The following DNER variants were observed in gnomAD, a reference collection of about 807,000 sequenced individuals.
DNER encodes the protein delta/notch like EGF repeat containing, also known as delta and Notch-like epidermal growth factor-related receptor.
A neutral mutation model predicts 78.2 loss-of-function variants in DNER; 33 were observed. The ratio of observed to expected loss-of-function variants is 0.42; its 90% CI spans 0.32 to 0.56. The LOEUF is 0.56. Among genes scored for constraint, DNER ranks in the 20% least tolerant of loss-of-function variants. The probability of loss-of-function intolerance (pLI) is 0.11; values close to 1 mark genes in which losing one functional copy is unlikely to be tolerated. For missense variants in DNER, 918 were observed against 975.3 expected (o/e 0.94, Z 0.78); for synonymous variants, 417 against 384.8 (o/e 1.08, Z -0.98).
chr2:229,590,815 T>C (rs186019679), intron 2 of DNER, among the ~76,000 whole-genome samples: 2 of 152,352 alleles, frequency 1.3e-5, no homozygotes, highest in East Asian at 3.9e-4. Context: ...AAATCTCATG[T>C]TGAAATGTGA....
chr2:229,456,580 T>C (rs370836203), intron 7 of DNER, among the ~76,000 whole-genome samples: 2 of 152,000 alleles, frequency 1.3e-5, no homozygotes, highest in African/African-American at 4.8e-5. Context: ...CATAGAACAA[T>C]GTCTACAGGG....
intron 5 of DNER, among the ~76,000 whole-genome samples, chr2:229,524,171 A>G (rs1696155972): frequency 6.6e-6 from 1 of 152,256 alleles, no homozygotes; most frequent in African/African-American, 2.4e-5. Flanking sequence ...TGCTCTTTAC[A>G]TTAGAAGAAC....
At chr2:229,538,941 C>T (rs776802184) in intron 5 of DNER, among the ~76,000 whole-genome samples, 3 of 152,196 alleles carry the variant, frequency 2.0e-5, no homozygotes, top group Non-Finnish European at 4.4e-5. Flanking sequence ...CTCTGCACCC[C>T]CTCTCACTGC....
At chr2:229,371,930 C>T (rs1452815623) in intron 11 of DNER, among the ~76,000 whole-genome samples, 1 of 152,154 alleles carries the variant, frequency 6.6e-6, no homozygotes, top group Non-Finnish European at 1.5e-5. Context: ...TTGCCTAGAA[C>T]AATTGTGAGG....
chr2:229,604,211 T>G (rs1697889259), intron 1 of DNER, among the ~76,000 whole-genome samples: 1 of 152,244 alleles, frequency 6.6e-6, no homozygotes, highest in South Asian at 2.1e-4. Context: ...TCCAAACATT[T>G]TAAATGTTCT....
chr2:229,396,083 G>A (rs940006208), intron 10 of DNER, among the ~76,000 whole-genome samples: 7 of 151,870 alleles, frequency 4.6e-5, no homozygotes, highest in East Asian at 1.9e-4. Flanking sequence ...CAGTCTAAAG[G>A]GGGAAAAGAA....
chr2:229,607,542 A>G (rs528058987), intron 1 of DNER, among the ~76,000 whole-genome samples: 2 of 152,242 alleles, frequency 1.3e-5, no homozygotes, highest in Non-Finnish European at 2.9e-5. Flanking sequence ...CTAAACACAA[A>G]TGAGAGATGA....
intron 10 of DNER, among the ~76,000 whole-genome samples, chr2:229,404,527 T>G (rs1416036279): frequency 6.6e-6 from 1 of 152,196 alleles, no homozygotes; most frequent in Admixed American, 6.5e-5. Context: ...GGGATTCCAA[T>G]TCAAGATGAG....
At chr2:229,582,943 A>G (rs1264809438) in intron 4 of DNER, among the ~76,000 whole-genome samples, 2 of 152,160 alleles carry the variant, frequency 1.3e-5, no homozygotes, top group African/African-American at 4.8e-5. Context: ...CTGACCTAAT[A>G]TATCAAAGTT....
Position 229,457,667 on chromosome 2 carries a change from G to T in DNER, c.1262-10127C>A, listed in dbSNP as rs562193659. ...AAACAAAGAACATATGAGAAAAATAGAAAATAAATAGCAATGAGGTAGACT... is the reference window on the plus strand; with the variant it reads ...AAACAAAGAACATATGAGAAAAATATAAAATAAATAGCAATGAGGTAGACT... On this transcript the variant is annotated intron_variant, in intron 7 of 12. Coordinates refer to ENST00000341772, the MANE Select transcript of DNER (RefSeq NM_139072.4). 1.3e-4 allele frequency among the ~76,000 whole-genome samples: 19 copies of T among 147,494 alleles called. 2 individuals carry two copies. In the South Asian group the frequency reaches 3.9e-3, roughly 30 times the overall value.
chr2:229,676,812 T>G (rs1699308278), intron 1 of DNER, among the ~76,000 whole-genome samples: 1 of 152,178 alleles, frequency 6.6e-6, no homozygotes, highest in African/African-American at 2.4e-5. Flanking sequence ...CCTGCTTCCC[T>G]CTCCATTTCA....
intron 1 of DNER, among the ~76,000 whole-genome samples, chr2:229,694,442 A>G (rs1480788873): frequency 7.3e-6 from 1 of 136,812 alleles, no homozygotes; most frequent in Non-Finnish European, 1.6e-5. Context: ...TGCCTGGAAA[A>G]ACCACAGAGA....
intron 1 of DNER, among the ~76,000 whole-genome samples, chr2:229,668,418 TTA>T (rs59207662): frequency 0.027 from 3,570 of 132,468 alleles, 105 homozygotes; most frequent in African/African-American, 0.065. Context: ...AAATATTCTT[TTA>T]TATATATATA....
intron 8 of DNER, among the ~76,000 whole-genome samples, chr2:229,431,254 T>C (rs1216212446): frequency 6.6e-6 from 1 of 152,192 alleles, no homozygotes; most frequent in Non-Finnish European, 1.5e-5. Context: ...TGGGACTATA[T>C]GGAAGACGAC....
intron 6 of DNER, among the ~76,000 whole-genome samples, chr2:229,501,135 A>C (rs1474053404): frequency 6.6e-6 from 1 of 152,018 alleles, no homozygotes; most frequent in Admixed American, 6.6e-5. Flanking sequence ...GGGTAGGAGG[A>C]GGGGAGGACA....
At position 229,588,393 on chromosome 2, in the gene DNER, C is replaced by T; in HGVS notation, c.680+1G>A. 1 of 1,602,082 alleles carries T rather than the reference C, an allele frequency of 6.2e-7. No individual in the cohort carries two copies. The highest frequency in any genetic ancestry group is 8.5e-7 in the Non-Finnish European group (1 of 1,173,122). The stretch of plus-strand genomic sequence containing the variant: ...CAGTTTGTAACTCAGAATTTTCTTA[C>T]TTGACTGAGGTGTTCTGTGGCACTT... On this transcript the variant is annotated splice_donor_variant, in intron 3 of 12. Coordinates refer to ENST00000341772, the MANE Select transcript of DNER (RefSeq NM_139072.4). LOFTEE classifies it high-confidence loss of function.
intron 9 of DNER, among the ~76,000 whole-genome samples, chr2:229,413,443 C>CCCCTGAG (rs1211949275): frequency 3.3e-5 from 5 of 150,796 alleles, no homozygotes; most frequent in Non-Finnish European, 7.4e-5. Flanking sequence ...CTGCCTCAGC[C>CCCCTGAG]CCCTGAGTAG....
At chr2:229,570,725 A>G (rs576975724) in intron 4 of DNER, among the ~76,000 whole-genome samples, 8 of 152,126 alleles carry the variant, frequency 5.3e-5, no homozygotes, top group African/African-American at 1.9e-4. Flanking sequence ...GCGGGGTTGC[A>G]GTTGTATAAG....
chr2:229,668,554 A>AGGTAAGTATGTGTGTATG (rs1699147873), intron 1 of DNER, among the ~76,000 whole-genome samples: 2 of 113,372 alleles, frequency 1.8e-5, no homozygotes, highest in Admixed American at 8.6e-5. Flanking sequence ...ATATATATAT[A>AGGTAAGTATGTGTGTATG]TATATATATA....
Sources: allele counts gnomAD v4.1 joint callset (sites outside exome capture counted in the v4.1 genomes callset), GRCh38; gene constraint gnomAD v4.1.1; transcripts MANE v1.5; gene names NCBI Gene and HGNC (gene_info 2026-07-23, HGNC 2026-07-21).